The following BCKDHB variants were observed in gnomAD, a reference collection of about 807,000 sequenced individuals.
BCKDHB encodes 2-oxoisovalerate dehydrogenase subunit beta, mitochondrial.
Under a neutral mutation model 48.5 loss-of-function variants are expected in BCKDHB, and 41 were observed. That is an observed-to-expected ratio of 0.85 (90% CI 0.66 to 1.10). The LOEUF (loss-of-function observed/expected upper bound fraction) is 1.10. BCKDHB is among the 50% of genes least tolerant of loss of function. The pLI is 0.00. For missense variants in BCKDHB, 496 were observed against 494.2 expected (o/e 1.00, Z -0.03); for synonymous variants, 201 against 174.8 (o/e 1.15, Z -1.18).
chr6:80,332,286 T>C (rs1582582322), intron 9 of BCKDHB, among the ~76,000 whole-genome samples: 1 of 152,230 alleles, frequency 6.6e-6, no homozygotes, highest in Non-Finnish European at 1.5e-5. Context: ...AGTGAGATCC[T>C]ATACTGCACT....
the BCKDHB span, among the ~76,000 whole-genome samples, chr6:80,403,060 C>A: frequency 6.6e-6 from 1 of 151,202 alleles, no homozygotes; most frequent in Non-Finnish European, 1.5e-5. Context: ...TTCGTTTTTT[C>A]TCGATAATAC....
At chr6:80,291,284 G>A (rs1193493106) in intron 9 of BCKDHB, among the ~76,000 whole-genome samples, 1 of 152,164 alleles carries the variant, frequency 6.6e-6, no homozygotes, top group African/African-American at 2.4e-5. Context: ...CTGAAAAGAA[G>A]CGATGACATT....
the BCKDHB span, among the ~76,000 whole-genome samples, chr6:80,352,377 A>G: frequency 6.6e-5 from 10 of 152,184 alleles, no homozygotes; most frequent in Admixed American, 1.3e-4. Context: ...GAATGCTGCA[A>G]TGCAATATGG....
At chr6:80,170,922 A>G (rs746113957) in intron 5 of BCKDHB, among the ~76,000 whole-genome samples, 39 of 152,304 alleles carry the variant, frequency 2.6e-4, no homozygotes, top group Non-Finnish European at 4.7e-4. Flanking sequence ...GATTATTAGT[A>G]GAAGAGATTT....
intron 8 of BCKDHB, among the ~76,000 whole-genome samples, chr6:80,225,040 C>G (rs1487793337): frequency 6.6e-6 from 1 of 152,194 alleles, no homozygotes; most frequent in Non-Finnish European, 1.5e-5. Context: ...ATTCTTCCCT[C>G]TTGTATGTAA....
chr6:80,383,225 A>G, the BCKDHB span, among the ~76,000 whole-genome samples: 1 of 151,982 alleles, frequency 6.6e-6, no homozygotes, highest in Non-Finnish European at 1.5e-5. Context: ...ACTATTTCCC[A>G]TATGTTCTGT....
intron 8 of BCKDHB, among the ~76,000 whole-genome samples, chr6:80,237,582 T>C (rs989352485): frequency 7.2e-5 from 11 of 152,204 alleles, no homozygotes; most frequent in African/African-American, 2.7e-4. Flanking sequence ...ATTTATTACC[T>C]TTTTACTCTT....
chr6:80,137,122 A>G (rs544092583), intron 3 of BCKDHB, among the ~76,000 whole-genome samples: 40 of 152,306 alleles, frequency 2.6e-4, no homozygotes, highest in African/African-American at 8.7e-4. Flanking sequence ...TAAAAAATCC[A>G]GCTGAATGAG....
At chr6:80,323,196 A>T (rs990373590) in intron 9 of BCKDHB, among the ~76,000 whole-genome samples, 4 of 151,952 alleles carry the variant, frequency 2.6e-5, no homozygotes, top group Admixed American at 2.0e-4. Flanking sequence ...TAATACCAGC[A>T]TCTTGTATGC....
At chr6:80,394,916 T>A in the BCKDHB span, among the ~76,000 whole-genome samples, 5 of 152,148 alleles carry the variant, frequency 3.3e-5, no homozygotes, top group Non-Finnish European at 7.3e-5. Context: ...TCTCAGGTGA[T>A]CTGATGGTTT....
the BCKDHB span, among the ~76,000 whole-genome samples, chr6:80,464,705 C>A: frequency 6.6e-6 from 1 of 152,150 alleles, no homozygotes; most frequent in Non-Finnish European, 1.5e-5. Context: ...AGAAGAAAGG[C>A]CACAATATTC....
chr6:80,335,245 A>AAAAAAG (rs59529287), intron 9 of BCKDHB, among the ~76,000 whole-genome samples: 38,838 of 105,480 alleles, frequency 0.37, 5,614 homozygotes, highest in Non-Finnish European at 0.45. Flanking sequence ...AAAAAAAAAA[A>AAAAAAG]AAGAAGAAAA....
intron 6 of BCKDHB, among the ~76,000 whole-genome samples, chr6:80,181,075 T>C (rs1273878580): frequency 2.6e-5 from 4 of 152,206 alleles, no homozygotes. Flanking sequence ...TTGAAAGAGT[T>C]GAACTCCAGA....
intron 6 of BCKDHB, 128 bp from the exon 7 acceptor site, chr6:80,200,806 G>T: frequency 1.4e-6 from 1 of 727,740 alleles, no homozygotes; most frequent in East Asian, 2.7e-5. Flanking sequence ...TCTGTTTTAA[G>T]TAATACAGAA....
intron 1 of BCKDHB, among the ~76,000 whole-genome samples, chr6:80,115,744 C>G (rs1360315052): frequency 6.6e-6 from 1 of 151,790 alleles, no homozygotes; most frequent in East Asian, 1.9e-4. Flanking sequence ...TCTCACCATT[C>G]TCCTGCCTCA....
the BCKDHB span, among the ~76,000 whole-genome samples, chr6:80,423,029 C>A: frequency 2.0e-5 from 3 of 152,122 alleles, no homozygotes. Flanking sequence ...TCTGTGTCCC[C>A]ACCCAAAATT....
At chr6:80,285,539 C>G (rs1739403011) in intron 9 of BCKDHB, among the ~76,000 whole-genome samples, 1 of 152,032 alleles carries the variant, frequency 6.6e-6, no homozygotes, top group African/African-American at 2.4e-5. Flanking sequence ...GTTCAGAGAA[C>G]CACAGTATCT....
chr6:80,225,087 T>C (rs1401832272), intron 8 of BCKDHB, among the ~76,000 whole-genome samples: 2 of 152,210 alleles, frequency 1.3e-5, no homozygotes, highest in East Asian at 1.9e-4. Flanking sequence ...CTCCTCATAG[T>C]CCTCTTATAT....
intron 3 of BCKDHB, among the ~76,000 whole-genome samples, chr6:80,143,747 A>G (rs1215898674): frequency 6.6e-6 from 1 of 152,092 alleles, no homozygotes; most frequent in Non-Finnish European, 1.5e-5. Context: ...GAAATGCTTG[A>G]CCTTCTCTTG....
Sources: allele counts gnomAD v4.1 joint callset (sites outside exome capture counted in the v4.1 genomes callset), GRCh38; gene constraint gnomAD v4.1.1; transcripts MANE v1.5; gene names NCBI Gene and HGNC (gene_info 2026-07-23, HGNC 2026-07-21).